CDK3: variants seen among roughly 807,000 people sequenced by gnomAD.
CDK3 encodes the protein cyclin-dependent kinase 3.
CDK3 carries 24 observed loss-of-function variants against 30.2 expected under a neutral mutation model. That is an observed-to-expected ratio of 0.79 (90% CI 0.57 to 1.12). The LOEUF (loss-of-function observed/expected upper bound fraction) is 1.12, where lower values mean the gene tolerates loss of function less well. Among genes scored for constraint, CDK3 ranks in the 50% most tolerant of loss-of-function variants. The pLI is 0.00. For synonymous variants in CDK3, 158 were observed against 154.2 expected (o/e 1.02, Z -0.18); for missense variants, 345 against 376.0 (o/e 0.92, Z 0.68).
chr17:76,005,638 C>A lies in CDK3; in HGVS notation c.*215C>A, dbSNP rs1260058215. The stretch of plus-strand genomic sequence containing the variant: ...ACGGTGCCGTTTCAAAATAGAGGCA[C>A]AGATGCTCCATGCACGAGGGGTCCC... On this transcript the variant is annotated 3_prime_UTR_variant, in exon 8 of 8. Coordinates refer to ENST00000448471, the MANE Select transcript of CDK3 (RefSeq NM_001258.4). This position sits in a 1 kb window ranked among gnomAD's most constrained non-coding sequence, Gnocchi z 4.7. The A allele has an allele frequency of 1.8e-6, 1 of 545,524 alleles. No homozygotes were observed. The highest frequency in any genetic ancestry group is 1.9e-5 in the African/African-American group (1 of 52,496). The allele number at this position is 545,524 out of a possible 1,614,324, so 33.8% of individuals were successfully genotyped here.
chr17:76,002,007 C>T lies in CDK3; in HGVS notation c.195-15C>T. The T allele has an allele frequency of 6.2e-7, 1 of 1,614,014 alleles. No homozygotes were observed. The highest frequency in any genetic ancestry group is 8.5e-7 in the Non-Finnish European group (1 of 1,179,954). ...GATGGCGAAGGTAGCATCCTGACTG[C>T]CATCTCCCTGTCAGACTGCTGGACG... On this transcript the variant is annotated splice_polypyrimidine_tract_variant and intron_variant, in intron 3 of 7. Coordinates refer to ENST00000448471, the MANE Select transcript of CDK3 (RefSeq NM_001258.4). This position sits in a 1 kb window ranked among gnomAD's most constrained non-coding sequence, Gnocchi z 4.3.
Position 76,001,831 on chromosome 17 carries a change from TG to T in CDK3, c.117-41del. 1 of 1,583,596 alleles carries T rather than the reference TG, an allele frequency of 6.3e-7. No individual in the cohort carries two copies. The highest frequency in any genetic ancestry group is 8.6e-7 in the Non-Finnish European group (1 of 1,157,308). ...TCCCCCTGGCTGGAAGTGCCCTTCT[TG>T]GCCCAAGTCTCTGCCCACGGCTGTG... is the stretch of plus-strand genomic sequence containing the variant. On this transcript the variant is annotated intron_variant, in intron 2 of 7. Transcript: ENST00000448471. This position sits in a 1 kb window ranked among gnomAD's most constrained non-coding sequence, Gnocchi z 6.2.
At position 76,002,381 on chromosome 17, in the gene CDK3, G is replaced by A. The variant is rs972125613; in HGVS notation, c.449G>A (p.Arg150His). The change falls in exon 5 of 8, where the codon CGC becomes CAC. Residue 150 changes from arginine to histidine, a missense_variant. Physicochemically the swap from Arg to His is conservative, Grantham distance 29. Coordinates refer to ENST00000448471, the MANE Select transcript of CDK3 (RefSeq NM_001258.4). This position sits in a 1 kb window ranked among gnomAD's most constrained non-coding sequence, Gnocchi z 4.3. ...AAGCTGGCTGACTTCGGCCTGGCTC[G>A]CGCCTTCGGGGTGCCCCTGCGCACC... is the stretch of plus-strand genomic sequence containing the variant. ...AIKLADFGLA[R>H]AFGVPLRTYT... 1.2e-6 allele frequency: 2 copies of A among 1,612,398 alleles called. No homozygotes were observed. Among genetic ancestry groups the A allele is most frequent in the Non-Finnish European group, 1.7e-6 (2 of 1,179,934 alleles).
chr17:76,003,093 G>C, intron 6 of CDK3, 102 bp from the exon 7 acceptor site: 1 of 910,592 alleles, frequency 1.1e-6, no homozygotes, highest in Non-Finnish European at 1.7e-6. Flanking sequence ...TCATGGAAAA[G>C]ATATCTTGAC....
rs975065768 is a variant in CDK3 at position 76,005,345 on chromosome 17, C to T, written c.840C>T (p.Ala280=). ...GCCAGCGGATCACAGCCAAGACTGC[C>T]CTGGCCCACCCGTACTTCTCATCCC... ...DPSQRITAKT[A]LAHPYFSSPE... Residue 280 remains alanine, a synonymous_variant, in exon 8 of 8, where the codon GCC becomes GCT. Coordinates refer to ENST00000448471, the MANE Select transcript of CDK3 (RefSeq NM_001258.4). This position sits in a 1 kb window ranked among gnomAD's most constrained non-coding sequence, Gnocchi z 4.7. The T allele has an allele frequency of 1.2e-6, 2 of 1,614,124 alleles. No homozygotes were observed. The highest frequency in any genetic ancestry group is 1.7e-6 in the Non-Finnish European group (2 of 1,179,998).
At position 76,001,744 on chromosome 17, in the gene CDK3, C is replaced by A; in HGVS notation, c.117-130C>A. On this transcript the variant is annotated intron_variant, in intron 2 of 7. Transcript: ENST00000448471. This position sits in a 1 kb window ranked among gnomAD's most constrained non-coding sequence, Gnocchi z 6.2. Reference sequence around the variant, plus strand: ...CTGTGGAGTTTGGTGGATGACGTGCCAAGGAGCACAGGTCTCCATTGCCGG... The same window carrying A: ...CTGTGGAGTTTGGTGGATGACGTGCAAAGGAGCACAGGTCTCCATTGCCGG... 2 of 983,304 alleles carry A rather than the reference C, an allele frequency of 2.0e-6. No individual in the cohort carries two copies. The highest frequency in any genetic ancestry group is 3.0e-6 in the Non-Finnish European group (2 of 671,646). 60.9% of individuals were successfully genotyped at this position (983,304 alleles called of 1,614,324 possible).
Position 76,002,188 on chromosome 17 carries a change from C to CCATCCCTGT in CDK3, c.315+48_316-50dup. On this transcript the variant is annotated intron_variant, in intron 4 of 7. Coordinates refer to ENST00000448471, the MANE Select transcript of CDK3 (RefSeq NM_001258.4). This position sits in a 1 kb window ranked among gnomAD's most constrained non-coding sequence, Gnocchi z 4.3. ...AAGGAGAGGTGACACCCCATCCCTG[C>CCATCCCTGT]CATCCCTGTCCACGCAGCACCTCCG... is the stretch of plus-strand genomic sequence containing the variant. The CCATCCCTGT allele has an allele frequency of 3.1e-6, 5 of 1,612,624 alleles. No individual in the cohort carries two copies. The highest frequency in any genetic ancestry group is 3.4e-6 in the Non-Finnish European group (4 of 1,179,186).
At chr17:76,003,463 C>A in intron 7 of CDK3, 65 bp downstream of exon 7, 1 of 1,386,570 alleles carries the variant, frequency 7.2e-7, no homozygotes, top group Non-Finnish European at 1.0e-6. Flanking sequence ...CAGCCTCTTA[C>A]ATAACCCTGG....
intron 6 of CDK3, 75 bp from the exon 7 acceptor site, chr17:76,003,120 C>G: frequency 8.0e-7 from 1 of 1,242,620 alleles, no homozygotes; most frequent in East Asian, 2.3e-5. Flanking sequence ...CTCCCTGGGT[C>G]TGGCCACTTA....
At position 76,005,197 on chromosome 17, in the gene CDK3, C is replaced by A. The variant is rs2066302801; in HGVS notation, c.793-101C>A. 6.8e-7 allele frequency: 1 copy of A among 1,464,788 alleles called. No homozygotes were observed. The highest frequency in any genetic ancestry group is 1.4e-5 in the African/African-American group (1 of 71,026). The allele number at this position is 1,464,788 out of a possible 1,614,324, so 90.7% of individuals were successfully genotyped here. A position where few individuals can be genotyped will look rare whatever the true frequency, so the allele number is the denominator to read the frequency against. On this transcript the variant is annotated intron_variant, in intron 7 of 7. Coordinates refer to ENST00000448471, the MANE Select transcript of CDK3 (RefSeq NM_001258.4). The surrounding 1 kb of genome is among the most constrained non-coding windows in gnomAD (Gnocchi z 4.7). ...CATGCGGTTCTGGGTTTGAGGGCAG[C>A]CAATTTGGGGCCCAGGCCCTTGATC... is the stretch of plus-strand genomic sequence containing the variant.
Position 76,001,769 on chromosome 17 carries a change from G to A in CDK3, c.117-105G>A. The A allele has an allele frequency of 1.8e-6, 2 of 1,140,762 alleles. No homozygotes were observed. Among genetic ancestry groups the A allele is most frequent in the Non-Finnish European group, 2.5e-6 (2 of 806,064 alleles). 70.7% of individuals were successfully genotyped at this position (1,140,762 alleles called of 1,614,324 possible). A position where few individuals can be genotyped will look rare whatever the true frequency, so the allele number is the denominator to read the frequency against. ...CAAGGAGCACAGGTCTCCATTGCCG[G>A]GGCCCTGGTCATTCTGTGGGGTTAA... On this transcript the variant is annotated intron_variant, in intron 2 of 7. Transcript: ENST00000448471. This position sits in a 1 kb window ranked among gnomAD's most constrained non-coding sequence, Gnocchi z 6.2.
rs2066275487 is a variant in CDK3 at position 76,002,989 on chromosome 17, T to C, written c.589-206T>C. On this transcript the variant is annotated intron_variant, in intron 6 of 7. Coordinates refer to ENST00000448471, the MANE Select transcript of CDK3 (RefSeq NM_001258.4). The surrounding 1 kb of genome is among the most constrained non-coding windows in gnomAD (Gnocchi z 4.3). ...TCTAGCCTGGGTGACAGAGCAAGAC[T>C]CCGTCTCTATTTTTTAAAAAAAGGT... The C allele has an allele frequency of 3.3e-6, 2 of 605,716 alleles. No homozygotes were observed. The highest frequency in any genetic ancestry group is 5.9e-6 in the Non-Finnish European group (2 of 340,948). 37.5% of individuals were successfully genotyped at this position (605,716 alleles called of 1,614,324 possible).
At position 76,003,358 on chromosome 17, in the gene CDK3, T is replaced by G. The variant is rs374536763; in HGVS notation, c.752T>G (p.Ile251Ser). The G allele has an allele frequency of 1.5e-5, 25 of 1,613,736 alleles. No individual in the cohort carries two copies. Among genetic ancestry groups the G allele is most frequent in the African/African-American group, 2.7e-5 (2 of 74,916 alleles). Residue 251 changes from isoleucine (I) to serine (S), a missense_variant, in exon 7 of 8, where the codon ATT becomes AGT. Transcript: ENST00000448471. Reference protein sequence around the residue: ...PKWTRKGLEEIVPNLEPEGRD... With the variant: ...PKWTRKGLEESVPNLEPEGRD... ...TGGACCAGGAAGGGACTGGAAGAGA[T>G]TGTGCCCAATCTGGAGCCAGAGGGC... is the stretch of plus-strand genomic sequence containing the variant.
At chr17:76,003,108 C>T in intron 6 of CDK3, 87 bp from the exon 7 acceptor site, 1 of 1,068,478 alleles carries the variant, frequency 9.4e-7, no homozygotes, top group Non-Finnish European at 1.4e-6. Flanking sequence ...CTTGACAGGC[C>T]TCTCCCTGGG....
rs1232462469 is a variant in CDK3 at position 76,001,943 on chromosome 17, C to G, written c.186C>G (p.Asn62Lys). The G allele has an allele frequency of 1.2e-6, 2 of 1,613,860 alleles. No homozygotes were observed. The highest frequency in any genetic ancestry group is 1.7e-6 in the Non-Finnish European group (2 of 1,179,898). ...TGCTCAAGGAACTGAAGCACCCCAACATCGTCCGGTGAGTTGGGGATTGAG... is the reference window on the plus strand; with the variant it reads ...TGCTCAAGGAACTGAAGCACCCCAAGATCGTCCGGTGAGTTGGGGATTGAG... ...ISLLKELKHP[N>K]IVRLLDVVHN... is the part of the protein sequence containing the mutation. The change falls in exon 3 of 8, where the codon AAC becomes AAG. Residue 62 changes from asparagine (N) to lysine (K), a missense_variant. Physicochemically the swap from Asn to Lys is moderately conservative, Grantham distance 94. Coordinates refer to ENST00000448471, the MANE Select transcript of CDK3 (RefSeq NM_001258.4). This position sits in a 1 kb window ranked among gnomAD's most constrained non-coding sequence, Gnocchi z 6.2.
At position 76,002,006 on chromosome 17, in the gene CDK3, G is replaced by T. The variant is rs1288163202; in HGVS notation, c.195-16G>T. On this transcript the variant is annotated splice_polypyrimidine_tract_variant and intron_variant, in intron 3 of 7. Coordinates refer to ENST00000448471, the MANE Select transcript of CDK3 (RefSeq NM_001258.4). This position sits in a 1 kb window ranked among gnomAD's most constrained non-coding sequence, Gnocchi z 4.3. ...GGATGGCGAAGGTAGCATCCTGACT[G>T]CCATCTCCCTGTCAGACTGCTGGAC... The T allele has an allele frequency of 1.2e-6, 2 of 1,614,026 alleles. No individual in the cohort carries two copies. The highest frequency in any genetic ancestry group is 1.7e-6 in the Non-Finnish European group (2 of 1,179,966).
rs771881514 is a variant in CDK3 at position 76,005,322 on chromosome 17, CAGCGGATCACAGCCA to C, written c.820_834del (p.Arg274_Lys278del). The C allele has an allele frequency of 2.4e-5, 38 of 1,614,036 alleles. No homozygotes were observed. Among genetic ancestry groups the C allele is most frequent in the Non-Finnish European group, 3.2e-5 (38 of 1,180,018 alleles). On this transcript the variant is annotated inframe_deletion, in exon 8 of 8. Coordinates refer to ENST00000448471, the MANE Select transcript of CDK3 (RefSeq NM_001258.4). This position sits in a 1 kb window ranked among gnomAD's most constrained non-coding sequence, Gnocchi z 4.7. ...GCAACTCCTGCAGTATGACCCCAGC[CAGCGGATCACAGCCA>C]AGACTGCCCTGGCCCACCCGTACTT...
Position 76,001,022 on chromosome 17 carries a change from G to T in CDK3, c.-15+55G>T, listed in dbSNP as rs889653015. 6 of 1,130,656 alleles carry T rather than the reference G, an allele frequency of 5.3e-6. No homozygotes were observed. The African/African-American group carries it at 8.2e-5, about 16-fold the overall frequency. The allele number at this position is 1,130,656 out of a possible 1,614,324, so 70.0% of individuals were successfully genotyped here. A position where few individuals can be genotyped will look rare whatever the true frequency, so the allele number is the denominator to read the frequency against. On this transcript the variant is annotated intron_variant, in intron 1 of 7. Transcript: ENST00000448471. This position sits in a 1 kb window ranked among gnomAD's most constrained non-coding sequence, Gnocchi z 6.2. ...CCCGGCACAAGTGAGAGGCCTGGGG[G>T]TCCATGTTGGGCTGGGCTGGGCGAG... is the stretch of plus-strand genomic sequence containing the variant.
rs2066308267 is a variant in CDK3 at position 76,005,761 on chromosome 17, C to A, written c.*338C>A. 8.8e-6 allele frequency: 2 copies of A among 227,684 alleles called. No homozygotes were observed. Among genetic ancestry groups the A allele is most frequent in the Admixed American group, 1.1e-4 (2 of 18,856 alleles). 14.1% of individuals were successfully genotyped at this position (227,684 alleles called of 1,614,324 possible). Reference sequence around the variant, plus strand: ...CCTGCCCTGCCTGCAGGGCCAGACCCTGAGGAAAGGGCGCCCCCTGCTGGT... The same window carrying A: ...CCTGCCCTGCCTGCAGGGCCAGACCATGAGGAAAGGGCGCCCCCTGCTGGT... On this transcript the variant is annotated 3_prime_UTR_variant, in exon 8 of 8. Transcript: ENST00000448471. The surrounding 1 kb of genome is among the most constrained non-coding windows in gnomAD (Gnocchi z 4.7).
Sources: allele counts gnomAD v4.1 joint callset, GRCh38; gene constraint gnomAD v4.1.1; non-coding constraint Gnocchi (gnomAD v3.1); transcripts MANE v1.5; gene names NCBI Gene and HGNC (gene_info 2026-07-23, HGNC 2026-07-21).